Variants in SHISA6 observed in about 807,000 individuals in gnomAD.
SHISA6 encodes protein shisa-6.
Under a neutral mutation model 47.9 loss-of-function variants are expected in SHISA6, and 22 were observed. That is an observed-to-expected ratio of 0.46 (90% CI 0.33 to 0.66). The LOEUF is 0.66. SHISA6 is among the 30% of genes least tolerant of loss of function. The probability of loss-of-function intolerance (pLI) is 0.02; values close to 1 mark genes in which losing one functional copy is unlikely to be tolerated. For synonymous variants in SHISA6, 388 were observed against 337.8 expected, an observed-to-expected ratio of 1.15 and a Z score of -1.63; for missense variants, 680 against 764.6, an observed-to-expected ratio of 0.89 and a Z score of 1.30.
At chr17:11,515,573 G>C (rs958560547) in intron 3 of SHISA6, among the ~76,000 whole-genome samples, 2 of 152,142 alleles carry the variant, frequency 1.3e-5, no homozygotes, top group Admixed American at 6.5e-5. Flanking sequence ...TGTGGTCTCA[G>C]CTGGTGACTG....
At chr17:11,463,295 C>G (rs981441718) in intron 3 of SHISA6, among the ~76,000 whole-genome samples, 1 of 152,140 alleles carries the variant, frequency 6.6e-6, no homozygotes, top group African/African-American at 2.4e-5. Context: ...GGCATATAGC[C>G]AGCGCTCAAT....
chr17:11,519,552 G>C (rs576527937), intron 3 of SHISA6, among the ~76,000 whole-genome samples: 1 of 152,122 alleles, frequency 6.6e-6, no homozygotes, highest in East Asian at 1.9e-4. Context: ...AGGTGAAAAA[G>C]TTCTGGAGAC....
At position 11,527,653 on chromosome 17, in the gene SHISA6, GCTAT is replaced by G. The variant is rs150249205; in HGVS notation, c.896-24240_896-24237del. Among the ~76,000 whole-genome samples the G allele has an allele frequency of 5.7e-3, 867 of 152,258 alleles. 11 individuals carry two copies. Among genetic ancestry groups the G allele is most frequent in the African/African-American group, 0.02 (817 of 41,542 alleles). On this transcript the variant is annotated intron_variant, in intron 3 of 5. Transcript: ENST00000441885. ...TATGAGAGTGGGTCAAATCTGGCCT[GCTAT>G]CTGTTTTTGTAAATAAAGTTTTATT...
chr17:11,274,939 A>G, intron 2 of SHISA6, among the ~76,000 whole-genome samples: 1 of 152,148 alleles, frequency 6.6e-6, no homozygotes, highest in East Asian at 1.9e-4. Context: ...GTACTCCTGG[A>G]GGATGGAAAA....
intron 3 of SHISA6, among the ~76,000 whole-genome samples, chr17:11,392,981 T>C (rs997700853): frequency 6.6e-6 from 1 of 152,362 alleles, no homozygotes; most frequent in East Asian, 1.9e-4. Flanking sequence ...AACCCCCTTT[T>C]TGTGCGAATT....
intron 2 of SHISA6, among the ~76,000 whole-genome samples, chr17:11,326,390 G>C (rs1339008853): frequency 6.6e-6 from 1 of 152,040 alleles, no homozygotes; most frequent in East Asian, 1.9e-4. Context: ...CCTTCTTCCA[G>C]GGCACTCAGA....
chr17:11,452,524 G>A (rs1209086974), intron 3 of SHISA6, among the ~76,000 whole-genome samples: 1 of 152,128 alleles, frequency 6.6e-6, no homozygotes, highest in African/African-American at 2.4e-5. Context: ...AGACACAGGT[G>A]GGGGCAAAAA....
intron 3 of SHISA6, among the ~76,000 whole-genome samples, chr17:11,529,176 G>A (rs2071712435): frequency 6.6e-6 from 1 of 151,368 alleles, no homozygotes; most frequent in African/African-American, 2.4e-5. Context: ...CTGGGTGACA[G>A]TGTGAGACTC....
chr17:11,249,614 C>T (rs1383477005), intron 1 of SHISA6, among the ~76,000 whole-genome samples: 2 of 152,172 alleles, frequency 1.3e-5, no homozygotes, highest in African/African-American at 2.4e-5. Flanking sequence ...CAAGCAGTCA[C>T]CTTGGGAGGC....
chr17:11,241,742 A>T lies in SHISA6; in HGVS notation c.320A>T (p.Glu107Val). The change falls in exon 1 of 6, where the codon GAG (glutamate) becomes GTG (valine). Residue 107 changes from glutamate (E) to valine (V), a missense_variant. By Grantham distance (121) the Glu-to-Val change is moderately radical (BLOSUM62 -2). Transcript: ENST00000441885. The surrounding 1 kb of genome is among the most constrained non-coding windows in gnomAD (Gnocchi z 5.5). ...GACGTGAGCGGCCAGTACGACAAGG[A>T]GTTCGAGTGTAACAACAGCGAGAGC... ...YYDVSGQYDK[E>V]FECNNSESGY... 1 of 1,545,364 alleles carries T rather than the reference A, an allele frequency of 6.5e-7. No individual in the cohort carries two copies. The highest frequency in any genetic ancestry group is 8.7e-7 in the Non-Finnish European group (1 of 1,146,918).
At chr17:11,539,222 A>G (rs1457493429) in intron 3 of SHISA6, among the ~76,000 whole-genome samples, 1 of 152,162 alleles carries the variant, frequency 6.6e-6, no homozygotes, top group Non-Finnish European at 1.5e-5. Flanking sequence ...GATTACTGGC[A>G]TGAGCCACCA....
rs1463136657 is a variant in SHISA6, at chr17:11,555,745, C to T, written c.958C>T (p.Pro320Ser). ...ACCCCTCCCTTTTCTTGCAGAGAAG[C>T]CACGGATGAACAACATCCTGACATC... The part of the protein sequence containing the change: ...SVTQIPPHEK[P>S]RMNNILTSAT... The change falls in exon 5 of 6, where the codon CCA becomes TCA. Residue 320 changes from proline (P) to serine (S), a missense_variant. Physicochemically the swap from Pro to Ser is moderately conservative, Grantham distance 74 (BLOSUM62 -1). Coordinates refer to ENST00000441885, the MANE Select transcript of SHISA6 (RefSeq NM_207386.4). The T allele has an allele frequency of 6.5e-7, 1 of 1,540,926 alleles. No individual in the cohort carries two copies. Among genetic ancestry groups the T allele is most frequent in the Non-Finnish European group, 8.8e-7 (1 of 1,142,776 alleles).
intron 2 of SHISA6, among the ~76,000 whole-genome samples, chr17:11,280,843 A>T (rs779005422): frequency 1.3e-5 from 2 of 152,224 alleles, no homozygotes; most frequent in African/African-American, 2.4e-5. Flanking sequence ...AGAGGGCTGG[A>T]AATAGAAATG....
At chr17:11,341,476 TG>T (rs1226505714) in intron 2 of SHISA6, among the ~76,000 whole-genome samples, 1 of 151,812 alleles carries the variant, frequency 6.6e-6, no homozygotes, top group African/African-American at 2.4e-5. Flanking sequence ...GTGGGATTAC[TG>T]GTGTGCACTA....
intron 3 of SHISA6, among the ~76,000 whole-genome samples, chr17:11,443,558 A>G (rs972932973): frequency 2.0e-5 from 3 of 152,218 alleles, no homozygotes; most frequent in Non-Finnish European, 2.9e-5. Context: ...GGTTGTAGAC[A>G]AGTTAGATAC....
chr17:11,346,062 T>G lies in SHISA6; in HGVS notation c.800-33352T>G, dbSNP rs1453193180. On this transcript the variant is annotated intron_variant, in intron 2 of 5. Transcript: ENST00000441885. ...GGAGAAAGCATTCAGTTTTTTACCA[T>G]TAAATAAATGTTAGCTATGGATTTT... is the stretch of plus-strand genomic sequence containing the variant. Among the ~76,000 whole-genome samples, 4 of 152,162 alleles carry G rather than the reference T, an allele frequency of 2.6e-5. No homozygotes were observed. The East Asian group carries it at 7.7e-4, about 29-fold the overall frequency.
intron 1 of SHISA6, among the ~76,000 whole-genome samples, chr17:11,252,176 C>T (rs994359616): frequency 7.2e-5 from 11 of 152,188 alleles, no homozygotes; most frequent in African/African-American, 2.7e-4. Flanking sequence ...ACGCAGGAGC[C>T]CCAGTGAGAC....
chr17:11,370,685 T>C (rs574040875), intron 2 of SHISA6, among the ~76,000 whole-genome samples: 1 of 152,194 alleles, frequency 6.6e-6, no homozygotes, highest in Admixed American at 6.5e-5. Flanking sequence ...GATGACAGGA[T>C]GAAAGCACCA....
intron 3 of SHISA6, among the ~76,000 whole-genome samples, chr17:11,463,379 A>T (rs1369378054): frequency 6.6e-6 from 1 of 152,200 alleles, no homozygotes; most frequent in Admixed American, 6.5e-5. Context: ...CCTTTTATGA[A>T]TCTTTTAAAA....
Sources: gnomAD v4.1 joint callset for allele counts (sites outside exome capture counted in the v4.1 genomes callset) on GRCh38, gnomAD v4.1.1 for gene constraint, Gnocchi (gnomAD v3.1) non-coding constraint, MANE v1.5 for transcripts, NCBI Gene and HGNC (gene_info 2026-07-23, HGNC 2026-07-21) for gene names.